Variants in CLOCK observed in about 807,000 individuals in gnomAD.
CLOCK encodes clock circadian regulator.
Under a neutral mutation model 118.4 loss-of-function variants are expected in CLOCK, and 43 were observed. The observed-to-expected ratio is 0.36, with a 90% CI of 0.28 to 0.47. The LOEUF (loss-of-function observed/expected upper bound fraction) is 0.47, where lower values mean the gene tolerates loss of function less well. Ranked by LOEUF, CLOCK falls within the 20% of genes least tolerant of loss-of-function variation. The pLI is 1.00. For synonymous variants in CLOCK, 326 were observed against 339.2 expected (o/e 0.96, Z 0.43); for missense variants, 846 against 999.9 (o/e 0.85, Z 2.08).
In CLOCK at chr4:55,435,207, C is replaced by T; in HGVS notation, c.*208G>A. 1 of 603,214 alleles carries T rather than the reference C, an allele frequency of 1.7e-6. No individual in the cohort carries two copies. The highest frequency in any genetic ancestry group is 3.0e-6 in the Non-Finnish European group (1 of 338,550). 37.4% of individuals were successfully genotyped at this position (603,214 alleles called of 1,614,324 possible). On this transcript the variant is annotated 3_prime_UTR_variant, in exon 23 of 23. Coordinates refer to ENST00000513440, the MANE Select transcript of CLOCK (RefSeq NM_004898.4). ...AAACACTGTCAGAACTGGCTATGCC[C>T]CTATGATCACCTCCTGCTGGCTGGT...
At chr4:55,473,120 G>A (rs948800675) in intron 7 of CLOCK, among the ~76,000 whole-genome samples, 2 of 152,076 alleles carry the variant, frequency 1.3e-5, no homozygotes, top group Non-Finnish European at 2.9e-5. Flanking sequence ...AGTTACTTGG[G>A]AGGCTAAAGC....
chr4:55,451,114 T>C (rs764528573), intron 15 of CLOCK, among the ~76,000 whole-genome samples: 4 of 152,020 alleles, frequency 2.6e-5, no homozygotes, highest in Admixed American at 6.6e-5. Context: ...CTTCTCTTTG[T>C]AGCAAAACCC....
At chr4:55,541,692 T>A (rs538340866) in intron 1 of CLOCK, among the ~76,000 whole-genome samples, 31 of 152,312 alleles carry the variant, frequency 2.0e-4, no homozygotes, top group South Asian at 1.2e-3. Flanking sequence ...TGATAGGATT[T>A]AATTTCCTAA....
chr4:55,517,754 A>T (rs917923918), intron 1 of CLOCK, among the ~76,000 whole-genome samples: 2 of 152,160 alleles, frequency 1.3e-5, no homozygotes, highest in Non-Finnish European at 2.9e-5. Context: ...GGGGAGTTTC[A>T]GAATTACAAA....
intron 22 of CLOCK, 129 bp from the exon 23 acceptor site, chr4:55,435,723 C>A: frequency 2.2e-6 from 2 of 928,486 alleles, no homozygotes; most frequent in East Asian, 5.3e-5. Context: ...ATCACTTTCA[C>A]TCTCTGGTTT....
intron 2 of CLOCK, among the ~76,000 whole-genome samples, chr4:55,491,763 G>A (rs944894292): frequency 1.3e-5 from 2 of 152,080 alleles, no homozygotes; most frequent in African/African-American, 4.8e-5. Context: ...ATACAACAAA[G>A]AGAAGACTGC....
intron 7 of CLOCK, among the ~76,000 whole-genome samples, chr4:55,475,462 C>T (rs769394359): frequency 1.1e-4 from 17 of 152,176 alleles, no homozygotes; most frequent in Non-Finnish European, 2.2e-4. Flanking sequence ...TTTGAGAGTA[C>T]TGACTGTAAT....
chr4:55,443,955 T>C, intron 19 of CLOCK, 59 bp from the exon 20 acceptor site: 2 of 1,500,350 alleles, frequency 1.3e-6, no homozygotes, highest in Non-Finnish European at 1.8e-6. Context: ...AGAATGAGCA[T>C]TAAAAAGAAG....
rs1257933371 is a variant in CLOCK at position 55,448,811 on chromosome 4, T to C, written c.1507A>G (p.Thr503Ala). The C allele has an allele frequency of 4.3e-6, 7 of 1,614,012 alleles. No individual in the cohort carries two copies. The highest frequency in any genetic ancestry group is 3.3e-5 in the South Asian group (3 of 91,086). The part of the protein sequence containing the change: ...SLTQPVMSQA[T>A]NLPIPQGMSQ... ...ATGCCTTGTGGAATTGGTAAATTTGTAGCTTGAGACATCACTGGCTGTGTT... is the reference window on the plus strand; with the variant it reads ...ATGCCTTGTGGAATTGGTAAATTTGCAGCTTGAGACATCACTGGCTGTGTT... The change falls in exon 18 of 23, where the codon ACA (threonine) becomes GCA (alanine). Residue 503 changes from threonine to alanine, a missense_variant. This residue lies in a region of CLOCK where 520 missense variants were observed against 558.0 expected (regional missense o/e 0.93). Coordinates refer to ENST00000513440, the MANE Select transcript of CLOCK (RefSeq NM_004898.4).
chr4:55,449,612 A>G lies in CLOCK; in HGVS notation c.1349-116T>C, dbSNP rs1724244825. The G allele has an allele frequency of 4.5e-6, 4 of 882,014 alleles. No individual in the cohort carries two copies. The South Asian group carries it at 5.9e-5, about 13-fold the overall frequency. 54.6% of individuals were successfully genotyped at this position (882,014 alleles called of 1,614,324 possible). On this transcript the variant is annotated intron_variant, in intron 16 of 22. Transcript: ENST00000513440. ...GGCTTTTGAATTATTTTTCCAAACC[A>G]TTCAATGAAAGTGAAGTCCATGACA... is the stretch of plus-strand genomic sequence containing the variant.
chr4:55,452,484 G>C (rs1724554547), intron 15 of CLOCK: 1 of 152,734 alleles, frequency 6.5e-6, no homozygotes, highest in African/African-American at 2.4e-5. Flanking sequence ...CTGAAGTAGA[G>C]GGTCCAGCTA....
At chr4:55,470,308 A>G (rs944587150) in intron 8 of CLOCK, among the ~76,000 whole-genome samples, 1 of 152,176 alleles carries the variant, frequency 6.6e-6, no homozygotes, top group African/African-American at 2.4e-5. Flanking sequence ...TTTTAAACAT[A>G]TAAATACTGT....
intron 3 of CLOCK, chr4:55,486,456 T>C (rs1482263141): frequency 6.6e-6 from 1 of 152,208 alleles, no homozygotes; most frequent in East Asian, 1.9e-4. Flanking sequence ...CCTGGGTCTC[T>C]AGTTAGGTCA....
chr4:55,493,076 C>A (rs1331918975), intron 2 of CLOCK, among the ~76,000 whole-genome samples: 1 of 152,034 alleles, frequency 6.6e-6, no homozygotes, highest in African/African-American at 2.4e-5. Context: ...TTAAGTGCTG[C>A]ATTTTTTTTC....
In CLOCK at chr4:55,521,368, G is replaced by A. The variant is rs576732915; in HGVS notation, c.-289-11303C>T. ...CAAGTAGCTGGGATTACAGGCATGC[G>A]CCATCACGCCTGGCTAATTTTTTGT... On this transcript the variant is annotated intron_variant, in intron 1 of 22. Transcript: ENST00000513440. Among the ~76,000 whole-genome samples the A allele has an allele frequency of 1.9e-4, 29 of 152,294 alleles. No individual in the cohort carries two copies. The South Asian group carries it at 5.6e-3, about 29-fold the overall frequency.
intron 1 of CLOCK, among the ~76,000 whole-genome samples, chr4:55,532,475 C>T (rs1167994839): frequency 1.3e-5 from 2 of 151,794 alleles, no homozygotes; most frequent in Non-Finnish European, 2.9e-5. Flanking sequence ...TTTCAGGATC[C>T]GAAATCAACA....
chr4:55,449,560 T>C, intron 16 of CLOCK, 64 bp from the exon 17 acceptor site: 1 of 1,329,698 alleles, frequency 7.5e-7, no homozygotes, highest in Non-Finnish European at 1.1e-6. Flanking sequence ...AAGATTAATC[T>C]CAAAATGTAT....
intron 1 of CLOCK, among the ~76,000 whole-genome samples, chr4:55,512,081 T>G (rs1030095466): frequency 7.9e-5 from 12 of 152,020 alleles, no homozygotes; most frequent in African/African-American, 2.9e-4. Context: ...TATAAAGATT[T>G]TTGTATGGAT....
chr4:55,540,992 G>A (rs1439240112), intron 1 of CLOCK, among the ~76,000 whole-genome samples: 1 of 152,130 alleles, frequency 6.6e-6, no homozygotes, highest in Non-Finnish European at 1.5e-5. Context: ...TACTTTAAAA[G>A]ACAAAGTAAT....
Sources: gnomAD v4.1 joint callset for allele counts (sites outside exome capture counted in the v4.1 genomes callset) on GRCh38, gnomAD v4.1.1 for gene constraint, gnomAD v4.1.1 regional missense constraint, MANE v1.5 for transcripts, NCBI Gene and HGNC (gene_info 2026-07-23, HGNC 2026-07-21) for gene names.